NDRG4: variants seen among roughly 807,000 people sequenced by gnomAD.
NDRG4 encodes the protein protein NDRG4.
Under a neutral mutation model 55.8 loss-of-function variants are expected in NDRG4, and 38 were observed. The observed-to-expected ratio is 0.68, with a 90% CI of 0.53 to 0.89. The LOEUF is 0.89. NDRG4 is among the 40% of genes least tolerant of loss of function. The pLI, the probability that NDRG4 is intolerant of heterozygous loss-of-function variation, is 0.00. For missense variants in NDRG4, 455 were observed against 468.6 expected, an observed-to-expected ratio of 0.97 and a Z score of 0.27; for synonymous variants, 190 against 182.7, an observed-to-expected ratio of 1.04 and a Z score of -0.32.
intron 2 of NDRG4, among the ~76,000 whole-genome samples, chr16:58,494,638 T>C (rs1165661099): frequency 6.6e-6 from 1 of 152,070 alleles, no homozygotes; most frequent in Non-Finnish European, 1.5e-5. Context: ...TGCCTGGCAC[T>C]TCGGTGAGCC....
chr16:58,502,055 C>G (rs2151785375), intron 1 of NDRG4: 1 of 455,656 alleles, frequency 2.2e-6, no homozygotes, highest in East Asian at 7.0e-5. Context: ...GGAACCTGAT[C>G]TCCTGTGAAC....
chr16:58,466,103 G>A (rs561181878), intron 1 of NDRG4, among the ~76,000 whole-genome samples: 4 of 152,314 alleles, frequency 2.6e-5, no homozygotes, highest in East Asian at 1.9e-4. Flanking sequence ...TGCAGCGTCC[G>A]TCTCCCAGGA....
chr16:58,497,188 G>A (rs140446177), upstream of NDRG4, among the ~76,000 whole-genome samples: 2 of 152,214 alleles, frequency 1.3e-5, no homozygotes, highest in Non-Finnish European at 2.9e-5. Context: ...CAGGTGTGGT[G>A]GCAGGCGCTG....
At position 58,487,885 on chromosome 16, in the gene NDRG4, C is replaced by T. The variant is rs763760441; in HGVS notation, c.72+35C>T. On this transcript the variant is annotated intron_variant, in intron 2 of 15. Coordinates refer to the NDRG4 transcript ENST00000258187. The stretch of plus-strand genomic sequence containing the variant: ...AGTCGCGCCTTTGAGGTCTTAGGGC[C>T]GAGCGCGCCACCTCGTGGCCAAGAG... 28 of 1,463,226 alleles carry T rather than the reference C, an allele frequency of 1.9e-5. No individual in the cohort carries two copies. The South Asian group carries it at 3.6e-4, about 19-fold the overall frequency. 90.6% of individuals were successfully genotyped at this position (1,463,226 alleles called of 1,614,324 possible).
chr16:58,496,191 A>G (rs1373680570), upstream of NDRG4, among the ~76,000 whole-genome samples: 1 of 152,054 alleles, frequency 6.6e-6, no homozygotes, highest in East Asian at 1.9e-4. Flanking sequence ...GGACAGGCAG[A>G]GGGGAATCCT....
At chr16:58,484,843 A>G (rs1487648340) in intron 1 of NDRG4, among the ~76,000 whole-genome samples, 1 of 150,726 alleles carries the variant, frequency 6.6e-6, no homozygotes, top group Non-Finnish European at 1.5e-5. Flanking sequence ...TCATTTTCTT[A>G]TAACTTATCA....
intron 1 of NDRG4, among the ~76,000 whole-genome samples, chr16:58,483,637 T>TA (rs1209832119): frequency 6.6e-6 from 1 of 152,184 alleles, no homozygotes; most frequent in Non-Finnish European, 1.5e-5. Flanking sequence ...TATGAATCTA[T>TA]CCTCTAACAG....
At chr16:58,486,915 G>A (rs901423843) in intron 1 of NDRG4, among the ~76,000 whole-genome samples, 4 of 151,882 alleles carry the variant, frequency 2.6e-5, no homozygotes, top group African/African-American at 7.2e-5. Flanking sequence ...AACATCACTC[G>A]GCCTGCCACA....
At chr16:58,505,245 A>G (rs1266591315) in intron 5 of NDRG4, among the ~76,000 whole-genome samples, 2 of 151,862 alleles carry the variant, frequency 1.3e-5, no homozygotes, top group Non-Finnish European at 2.9e-5. Context: ...GCTACTCGGG[A>G]GGCTGAGGCA....
At chr16:58,501,092 T>C in intron 1 of NDRG4, 1 of 1,233,344 alleles carries the variant, frequency 8.1e-7, no homozygotes, top group Non-Finnish European at 1.0e-6. Flanking sequence ...CCCGGCCCCA[T>C]TCTTCCTCAG....
At chr16:58,514,211 A>G (rs1249226650), downstream of NDRG4, among the ~76,000 whole-genome samples, 5 of 152,250 alleles carry the variant, frequency 3.3e-5, no homozygotes, top group African/African-American at 9.6e-5. Flanking sequence ...TCACCTATGT[A>G]TAACCTAAAC....
At chr16:58,509,452 G>A in intron 13 of NDRG4, 100 bp downstream of exon 13, 1 of 1,270,368 alleles carries the variant, frequency 7.9e-7, no homozygotes, top group Non-Finnish European at 1.1e-6. Flanking sequence ...GTGGTGTCAG[G>A]TGGTAGTAGG....
intron 2 of NDRG4, among the ~76,000 whole-genome samples, chr16:58,490,978 A>G (rs527401985): frequency 6.7e-6 from 1 of 149,894 alleles, no homozygotes; most frequent in East Asian, 2.0e-4. Flanking sequence ...CTCTGTCTCA[A>G]AAACAAAATA....
intron 1 of NDRG4, among the ~76,000 whole-genome samples, chr16:58,485,623 G>A (rs925255301): frequency 6.6e-6 from 1 of 152,188 alleles, no homozygotes. Flanking sequence ...ATGGATGGGT[G>A]AGTGTGCACA....
intron 1 of NDRG4, among the ~76,000 whole-genome samples, chr16:58,480,002 C>T (rs139185257): frequency 6.6e-6 from 1 of 152,234 alleles, no homozygotes; most frequent in African/African-American, 2.4e-5. Flanking sequence ...TAGGGGATTT[C>T]GGCAAACCTG....
chr16:58,498,521 G>C (rs1360701386), upstream of NDRG4, among the ~76,000 whole-genome samples: 1 of 152,224 alleles, frequency 6.6e-6, no homozygotes, highest in African/African-American at 2.4e-5. Context: ...GCATGGGCTG[G>C]GGTGAGTGGC....
chr16:58,466,047 C>G lies in NDRG4; in HGVS notation c.-24+2250C>G, dbSNP rs145648608. On this transcript the variant is annotated intron_variant, in intron 1 of 15. Coordinates refer to the NDRG4 transcript ENST00000258187. The stretch of plus-strand genomic sequence containing the variant: ...TTTGTTTTGTTTTGAGATGGAGTCC[C>G]ACTCTGTCGCCCAGGCTGGAGTGCA... Among the ~76,000 whole-genome samples the G allele has an allele frequency of 1.4e-3, 212 of 152,280 alleles. 1 individual carries two copies. Among genetic ancestry groups the G allele is most frequent in the African/African-American group, 4.8e-3 (198 of 41,560 alleles).
At chr16:58,509,466 C>G in intron 13 of NDRG4, 114 bp downstream of exon 13, 1 of 1,117,238 alleles carries the variant, frequency 9.0e-7, no homozygotes, top group Non-Finnish European at 1.3e-6. Context: ...TAGTAGGGAG[C>G]CCATAAGCAT....
chr16:58,473,454 G>T (rs563681053), intron 1 of NDRG4, among the ~76,000 whole-genome samples: 3 of 152,070 alleles, frequency 2.0e-5, no homozygotes, highest in Non-Finnish European at 2.9e-5. Flanking sequence ...CTGAGCCACC[G>T]TGCTAACCTG....
Sources: allele counts gnomAD v4.1 joint callset (sites outside exome capture counted in the v4.1 genomes callset), GRCh38; gene constraint gnomAD v4.1.1; transcripts MANE v1.5; gene names NCBI Gene and HGNC (gene_info 2026-07-23, HGNC 2026-07-21).